Variants in FBXL7 observed in about 807,000 individuals in gnomAD.
FBXL7 encodes F-box and leucine rich repeat protein 7.
FBXL7 carries 12 observed loss-of-function variants against 38.3 expected under a neutral mutation model. That is an observed-to-expected ratio of 0.31 (90% CI 0.20 to 0.51). The LOEUF (loss-of-function observed/expected upper bound fraction) is 0.51, where lower values mean the gene tolerates loss of function less well. Among genes scored for constraint, FBXL7 ranks in the 20% least tolerant of loss-of-function variants. The pLI is 0.98. For missense variants in FBXL7, 567 were observed against 676.4 expected (o/e 0.84, Z 1.79); for synonymous variants, 297 against 300.9 (o/e 0.99, Z 0.13).
At chr5:15,504,392 T>G (rs1175564849) in intron 1 of FBXL7, among the ~76,000 whole-genome samples, 1 of 152,242 alleles carries the variant, frequency 6.6e-6, no homozygotes, top group Non-Finnish European at 1.5e-5. Flanking sequence ...TTTGTCATCC[T>G]TTTTGATCTC....
chr5:15,682,676 T>G (rs1451788079), intron 2 of FBXL7, among the ~76,000 whole-genome samples: 1 of 152,194 alleles, frequency 6.6e-6, no homozygotes, highest in Non-Finnish European at 1.5e-5. Context: ...AAGGAGTAAT[T>G]GATGCCTAAA....
chr5:15,934,655 A>G (rs907408750), intron 3 of FBXL7, among the ~76,000 whole-genome samples: 15 of 152,208 alleles, frequency 9.9e-5, no homozygotes, highest in Admixed American at 8.5e-4. Flanking sequence ...AACACAAATA[A>G]AAGACATTAT....
chr5:15,917,374 G>A (rs4410637), intron 2 of FBXL7, among the ~76,000 whole-genome samples: 51,068 of 151,902 alleles, frequency 0.34, 8,926 homozygotes, highest in Admixed American at 0.52. Flanking sequence ...TATGTTGGAG[G>A]CTAAGGTGGC....
chr5:15,674,648 G>A (rs766978670), intron 2 of FBXL7, among the ~76,000 whole-genome samples: 3 of 152,064 alleles, frequency 2.0e-5, no homozygotes, highest in African/African-American at 4.8e-5. Context: ...AAAAAAACAC[G>A]GAGACAATTA....
chr5:15,917,652 A>T (rs1443447916), intron 2 of FBXL7, among the ~76,000 whole-genome samples: 1 of 56,032 alleles, frequency 1.8e-5, no homozygotes, highest in African/African-American at 8.4e-5. Context: ...GAGGGAAGGA[A>T]GGAAGGAAGG....
At chr5:15,560,351 C>T (rs1304683277) in intron 1 of FBXL7, among the ~76,000 whole-genome samples, 1 of 152,068 alleles carries the variant, frequency 6.6e-6, no homozygotes, top group Non-Finnish European at 1.5e-5. Context: ...TGACAGTAGC[C>T]AGTGAGCCAT....
At position 15,896,994 on chromosome 5, in the gene FBXL7, C is replaced by T. The variant is rs531463581; in HGVS notation, c.128-30896C>T. Among the ~76,000 whole-genome samples the T allele has an allele frequency of 7.2e-4, 110 of 152,104 alleles. 1 individual carries two copies. Among genetic ancestry groups the T allele is most frequent in the African/African-American group, 2.4e-3 (98 of 41,490 alleles). On this transcript the variant is annotated intron_variant, in intron 2 of 3. Coordinates refer to ENST00000504595, the MANE Select transcript of FBXL7 (RefSeq NM_012304.5). The stretch of plus-strand genomic sequence containing the variant: ...ACTAAAAATATAAAAATTAGCAAGG[C>T]GTGGTGGCATGTGCCTGTAATCCCA...
chr5:15,727,540 T>G (rs1561102056), intron 2 of FBXL7, among the ~76,000 whole-genome samples: 1 of 152,170 alleles, frequency 6.6e-6, no homozygotes, highest in Non-Finnish European at 1.5e-5. Flanking sequence ...TTGAATATAT[T>G]GGCCAATGGC....
At chr5:15,655,805 A>G (rs1241384347) in intron 2 of FBXL7, among the ~76,000 whole-genome samples, 1 of 152,188 alleles carries the variant, frequency 6.6e-6, no homozygotes, top group Non-Finnish European at 1.5e-5. Flanking sequence ...TTAACTGCAT[A>G]TCAAGAAGGT....
chr5:15,670,718 T>C (rs1232627838), intron 2 of FBXL7, among the ~76,000 whole-genome samples: 2 of 152,042 alleles, frequency 1.3e-5, no homozygotes, highest in Non-Finnish European at 2.9e-5. Context: ...GGAGAATCGC[T>C]TGAACCTGAG....
intron 1 of FBXL7, among the ~76,000 whole-genome samples, chr5:15,501,970 G>C (rs1201427619): frequency 6.6e-6 from 1 of 150,378 alleles, no homozygotes; most frequent in African/African-American, 2.5e-5. Context: ...AAAGTTAAAG[G>C]CTGCCTTTTT....
chr5:15,539,725 T>G (rs1354921414), intron 1 of FBXL7, among the ~76,000 whole-genome samples: 2 of 138,472 alleles, frequency 1.4e-5, no homozygotes, highest in African/African-American at 6.1e-5. Context: ...TCTCCTAGGC[T>G]TTTTTTTTCC....
chr5:15,939,530 T>C lies in FBXL7; in HGVS notation c.*2344T>C, dbSNP rs2126480135. On this transcript the variant is annotated 3_prime_UTR_variant, in exon 4 of 4. Transcript: ENST00000504595. ...TTTCTTCTTTTCTCCCAGTCTCCTGTTCATCCATTCTGTTCTCCCTTGGGG... is the reference window on the plus strand; with the variant it reads ...TTTCTTCTTTTCTCCCAGTCTCCTGCTCATCCATTCTGTTCTCCCTTGGGG... The C allele has an allele frequency of 6.5e-6, 1 of 152,784 alleles. No homozygotes were observed. Among genetic ancestry groups the C allele is most frequent in the East Asian group, 1.9e-4 (1 of 5,174 alleles). The allele number at this position is 152,784 out of a possible 1,614,324, so 9.5% of individuals were successfully genotyped here. A position where few individuals can be genotyped will look rare whatever the true frequency, so the allele number is the denominator to read the frequency against.
chr5:15,891,131 A>G (rs1238914645), intron 2 of FBXL7, among the ~76,000 whole-genome samples: 1 of 152,212 alleles, frequency 6.6e-6, no homozygotes, highest in Non-Finnish European at 1.5e-5. Context: ...GAGTACTTTT[A>G]AAAGGCCTCC....
At chr5:15,761,445 G>C (rs1561116109) in intron 2 of FBXL7, among the ~76,000 whole-genome samples, 1 of 151,998 alleles carries the variant, frequency 6.6e-6, no homozygotes, top group African/African-American at 2.4e-5. Flanking sequence ...AGATTTATTA[G>C]TTTCAGCCCA....
At chr5:15,617,406 G>T (rs569206989) in intron 2 of FBXL7, among the ~76,000 whole-genome samples, 1 of 151,344 alleles carries the variant, frequency 6.6e-6, no homozygotes, top group Non-Finnish European at 1.5e-5. Flanking sequence ...TACAAATCTC[G>T]TTAACTGATT....
chr5:15,724,343 T>A (rs981423454), intron 2 of FBXL7, among the ~76,000 whole-genome samples: 2 of 152,208 alleles, frequency 1.3e-5, no homozygotes, highest in African/African-American at 4.8e-5. Flanking sequence ...TTAACTATTA[T>A]TGAGGTGTAA....
At chr5:15,865,686 CT>C (rs1561160148) in intron 2 of FBXL7, among the ~76,000 whole-genome samples, 1 of 152,028 alleles carries the variant, frequency 6.6e-6, no homozygotes, top group African/African-American at 2.4e-5. Flanking sequence ...TTCTGTCTCC[CT>C]TTTTTCCCCT....
chr5:15,626,030 G>A (rs890997411), intron 2 of FBXL7, among the ~76,000 whole-genome samples: 22 of 152,136 alleles, frequency 1.4e-4, no homozygotes, highest in African/African-American at 5.3e-4. Context: ...TTTAGTCTGT[G>A]TATGAGGAAG....
Sources: gnomAD v4.1 joint callset for allele counts (sites outside exome capture counted in the v4.1 genomes callset) on GRCh38, gnomAD v4.1.1 for gene constraint, MANE v1.5 for transcripts, NCBI Gene and HGNC (gene_info 2026-07-23, HGNC 2026-07-21) for gene names.